Variants in KCNQ5 observed in about 807,000 individuals in gnomAD.
KCNQ5 encodes potassium voltage-gated channel subfamily Q member 5.
Under a neutral mutation model 98.2 loss-of-function variants are expected in KCNQ5, and 30 were observed. The observed-to-expected ratio is 0.31, with a 90% confidence interval of 0.23 to 0.41. The LOEUF (loss-of-function observed/expected upper bound fraction) is 0.41, where lower values mean the gene tolerates loss of function less well. KCNQ5 is among the 10% of genes least tolerant of loss of function. The pLI, the probability that KCNQ5 is intolerant of heterozygous loss-of-function variation, is 1.00. For missense variants in KCNQ5, 835 were observed against 1,182.5 expected (o/e 0.71, Z 4.31); for synonymous variants, 458 against 449.4 (o/e 1.02, Z -0.24).
At chr6:72,839,977 T>C (rs1776715677) in intron 1 of KCNQ5, among the ~76,000 whole-genome samples, 1 of 152,218 alleles carries the variant, frequency 6.6e-6, no homozygotes, top group African/African-American at 2.4e-5. Context: ...ACTGAAACTT[T>C]GTTCCCTTCG....
At chr6:73,010,498 T>C (rs1420163551) in intron 2 of KCNQ5, among the ~76,000 whole-genome samples, 1 of 151,998 alleles carries the variant, frequency 6.6e-6, no homozygotes, top group African/African-American at 2.4e-5. Flanking sequence ...AACAAAGTAC[T>C]AGACGGCTGT....
At chr6:72,714,961 C>T (rs1769569807) in intron 1 of KCNQ5, among the ~76,000 whole-genome samples, 1 of 152,030 alleles carries the variant, frequency 6.6e-6, no homozygotes, top group Non-Finnish European at 1.5e-5. Flanking sequence ...TATATAGCTT[C>T]TGTGAGCCAA....
intron 5 of KCNQ5, among the ~76,000 whole-genome samples, chr6:73,104,598 A>G (rs1774928401): frequency 6.6e-6 from 1 of 152,036 alleles, no homozygotes; most frequent in Non-Finnish European, 1.5e-5. Flanking sequence ...CTGCTTCTCA[A>G]AATGTTACCC....
chr6:72,638,404 G>A (rs899611080), intron 1 of KCNQ5, among the ~76,000 whole-genome samples: 3 of 152,102 alleles, frequency 2.0e-5, no homozygotes, highest in African/African-American at 7.2e-5. Flanking sequence ...CAGAGCTAGT[G>A]GGTATGGAGT....
At chr6:72,691,233 A>G (rs1373630729) in intron 1 of KCNQ5, among the ~76,000 whole-genome samples, 1 of 152,228 alleles carries the variant, frequency 6.6e-6, no homozygotes, top group Admixed American at 6.5e-5. Flanking sequence ...TAATAAAGAG[A>G]TCTCAAGTTG....
At chr6:72,691,815 G>T (rs1217119719) in intron 1 of KCNQ5, among the ~76,000 whole-genome samples, 1 of 152,148 alleles carries the variant, frequency 6.6e-6, no homozygotes, top group Non-Finnish European at 1.5e-5. Flanking sequence ...GTTCTTAGTG[G>T]ATTTTGACAA....
chr6:72,727,489 G>A (rs1770343323), intron 1 of KCNQ5, among the ~76,000 whole-genome samples: 1 of 152,038 alleles, frequency 6.6e-6, no homozygotes, highest in Admixed American at 6.5e-5. Flanking sequence ...GTTGTTTTCT[G>A]AGGGGCAGCT....
At chr6:73,124,734 G>T in intron 9 of KCNQ5, 1 of 563,234 alleles carries the variant, frequency 1.8e-6, no homozygotes, top group Non-Finnish European at 3.1e-6. Context: ...AATCTGCAGG[G>T]CATGGAACAT....
At chr6:73,105,390 A>G in intron 6 of KCNQ5, 23 bp downstream of exon 6, 1 of 1,488,946 alleles carries the variant, frequency 6.7e-7, no homozygotes, top group Non-Finnish European at 9.3e-7. Flanking sequence ...GCACCAATAA[A>G]GCAGTTTAAA....
chr6:73,033,628 A>T (rs557658982), intron 2 of KCNQ5, among the ~76,000 whole-genome samples: 1 of 152,222 alleles, frequency 6.6e-6, no homozygotes, highest in South Asian at 2.1e-4. Flanking sequence ...AAACTACCTC[A>T]GTCATTTTTT....
chr6:72,633,777 A>G (rs147725164), intron 1 of KCNQ5, among the ~76,000 whole-genome samples: 2 of 152,318 alleles, frequency 1.3e-5, no homozygotes, highest in East Asian at 3.9e-4. Context: ...AAAACAAGTA[A>G]TGGGGAGAGG....
At chr6:73,081,765 A>G (rs941239887) in intron 5 of KCNQ5, among the ~76,000 whole-genome samples, 3 of 152,106 alleles carry the variant, frequency 2.0e-5, no homozygotes, top group African/African-American at 7.2e-5. Context: ...TATTGAAAAG[A>G]AAAAAAACTT....
intron 9 of KCNQ5, among the ~76,000 whole-genome samples, chr6:73,130,034 C>T (rs754491093): frequency 6.6e-5 from 10 of 152,208 alleles, no homozygotes; most frequent in Non-Finnish European, 1.0e-4. Context: ...CTTTGATACT[C>T]TCCACCGCTG....
rs572619769 is a variant in KCNQ5 at position 73,194,903 on chromosome 6, C to T, written c.2288C>T (p.Pro763Leu). The change falls in exon 14 of 14, where the codon CCA (proline) becomes CTA (leucine). Residue 763 changes from proline (P) to leucine (L), a missense_variant. Pro to Leu is a moderately conservative substitution (Grantham distance 98). Coordinates refer to ENST00000370398, the MANE Select transcript of KCNQ5 (RefSeq NM_019842.4). The stretch of plus-strand genomic sequence containing the variant: ...CCAGCCATCAAGCATCTGCCCAGGC[C>T]AGAAACTCTGCACCCTAACCCTGCA... ...PLPAIKHLPR[P>L]ETLHPNPAGL... 3.0e-5 allele frequency: 49 copies of T among 1,614,188 alleles called. No homozygotes were observed. In the South Asian group the frequency reaches 3.5e-4, roughly 12 times the overall value.
intron 2 of KCNQ5, among the ~76,000 whole-genome samples, chr6:73,009,889 TCAA>T (rs1769985805): frequency 6.6e-6 from 1 of 152,100 alleles, no homozygotes; most frequent in South Asian, 2.1e-4. Flanking sequence ...AAAAAATCTT[TCAA>T]CAACAACAAA....
At chr6:72,940,530 G>A (rs145649328) in intron 1 of KCNQ5, among the ~76,000 whole-genome samples, 1 of 152,320 alleles carries the variant, frequency 6.6e-6, no homozygotes, top group Non-Finnish European at 1.5e-5. Flanking sequence ...CAGGCCCAGT[G>A]TGACTAGGAT....
chr6:72,723,583 GA>G (rs1359396901), intron 1 of KCNQ5, among the ~76,000 whole-genome samples: 3 of 152,178 alleles, frequency 2.0e-5, no homozygotes, highest in Non-Finnish European at 4.4e-5. Flanking sequence ...ATGTATGCAA[GA>G]AACACATAAA....
chr6:72,821,749 G>A (rs1037871316), intron 1 of KCNQ5, among the ~76,000 whole-genome samples: 6 of 151,726 alleles, frequency 4.0e-5, no homozygotes, highest in African/African-American at 1.5e-4. Flanking sequence ...TTCTTGCCTG[G>A]ACTATTTTAC....
chr6:73,137,344 C>G (rs1776514253), intron 10 of KCNQ5, among the ~76,000 whole-genome samples: 1 of 152,174 alleles, frequency 6.6e-6, no homozygotes, highest in Non-Finnish European at 1.5e-5. Flanking sequence ...AAGTAGCAGG[C>G]AGATGCTGAA....
Sources: gnomAD v4.1 joint callset for allele counts (sites outside exome capture counted in the v4.1 genomes callset) on GRCh38, gnomAD v4.1.1 for gene constraint, MANE v1.5 for transcripts, NCBI Gene and HGNC (gene_info 2026-07-23, HGNC 2026-07-21) for gene names.